SLC47A1: variants seen among roughly 807,000 people sequenced by gnomAD.
SLC47A1 encodes the protein solute carrier family 47 member 1.
SLC47A1 carries 58 observed loss-of-function variants against 65.8 expected under a neutral mutation model. The observed-to-expected ratio is 0.88, with a 90% CI of 0.71 to 1.10. The LOEUF (loss-of-function observed/expected upper bound fraction) is 1.10. SLC47A1 is among the 50% of genes least tolerant of loss of function. The pLI is 0.00. For missense variants in SLC47A1, 706 were observed against 719.2 expected (o/e 0.98, Z 0.21); for synonymous variants, 285 against 295.0 (o/e 0.97, Z 0.35).
At position 19,555,247 on chromosome 17, in the gene SLC47A1, A is replaced by T; in HGVS notation, c.579A>T (p.Ala193=). 1 of 1,614,228 alleles carries T rather than the reference A, an allele frequency of 6.2e-7. No homozygotes were observed. Among genetic ancestry groups the T allele is most frequent in the Non-Finnish European group, 8.5e-7 (1 of 1,180,038 alleles). The change falls in exon 7 of 17, where the codon GCA becomes GCT. Residue 193 remains alanine (A), a synonymous_variant. Transcript: ENST00000270570. ...TGCCCCAGATCGTAACTGGAGTTGCAGCCAACCTTGTCAATGCCCTCGCCA... is the reference window on the plus strand; with the variant it reads ...TGCCCCAGATCGTAACTGGAGTTGCTGCCAACCTTGTCAATGCCCTCGCCA... ...IVLPQIVTGV[A]ANLVNALANY... is the part of the protein sequence containing the mutation.
At position 19,549,674 on chromosome 17, in the gene SLC47A1, T is replaced by C. The variant is rs1219668936; in HGVS notation, c.495T>C (p.Leu165=). ...ATGTCACGATCTTCATTCCAGCTCT[T>C]CCTGTAAGTGCTCAAGGGCTAAGAG... The part of the protein sequence containing the change: ...QTYVTIFIPA[L]PATFLYMLQV... Residue 165 remains leucine, a synonymous_variant, in exon 5 of 17, where the codon CTT becomes CTC. Coordinates refer to ENST00000270570, the MANE Select transcript of SLC47A1 (RefSeq NM_018242.3). The C allele has an allele frequency of 1.9e-5, 31 of 1,614,094 alleles. No homozygotes were observed. Among genetic ancestry groups the C allele is most frequent in the Non-Finnish European group, 2.5e-5 (30 of 1,180,040 alleles).
intron 1 of SLC47A1, among the ~76,000 whole-genome samples, chr17:19,541,806 C>T (rs1916156526): frequency 6.6e-6 from 1 of 152,152 alleles, no homozygotes; most frequent in Non-Finnish European, 1.5e-5. Context: ...TTAATGTGAT[C>T]TATGGCTTGA....
chr17:19,558,277 T>C (rs995933208), intron 10 of SLC47A1, among the ~76,000 whole-genome samples: 1 of 152,206 alleles, frequency 6.6e-6, no homozygotes, highest in African/African-American at 2.4e-5. Flanking sequence ...CCGTTATCTG[T>C]AGAAGTTCAC....
intron 6 of SLC47A1, 77 bp from the exon 7 acceptor site, chr17:19,555,135 C>A: frequency 7.5e-7 from 1 of 1,339,876 alleles, no homozygotes; most frequent in Non-Finnish European, 1.1e-6. Context: ...CCAGCTGGAG[C>A]CTGTGTGTGC....
chr17:19,557,674 G>A (rs753836439), intron 10 of SLC47A1: 19 of 508,674 alleles, frequency 3.7e-5, no homozygotes, highest in Non-Finnish European at 7.1e-5. Flanking sequence ...TGTAGTGAGG[G>A]TAACAATACT....
At chr17:19,555,529 C>A in intron 7 of SLC47A1, 64 bp from the exon 8 acceptor site, 1 of 1,525,602 alleles carries the variant, frequency 6.6e-7, no homozygotes, top group South Asian at 1.1e-5. Context: ...CTCCCCTCCT[C>A]ACTGAGTTGG....
intron 2 of SLC47A1, among the ~76,000 whole-genome samples, chr17:19,545,517 G>C (rs775046090): frequency 1.3e-4 from 20 of 150,832 alleles, no homozygotes; most frequent in Non-Finnish European, 2.8e-4. Context: ...TTGAGACAGG[G>C]TCTCACTCCA....
chr17:19,551,801 A>T (rs1206501720), intron 6 of SLC47A1, among the ~76,000 whole-genome samples: 1 of 152,240 alleles, frequency 6.6e-6, no homozygotes, highest in Non-Finnish European at 1.5e-5. Context: ...AGAAGGGTGC[A>T]TGCCCATTTG....
intron 14 of SLC47A1, among the ~76,000 whole-genome samples, chr17:19,568,451 A>G (rs1597510922): frequency 6.6e-6 from 1 of 152,232 alleles, no homozygotes; most frequent in African/African-American, 2.4e-5. Context: ...TTTATGTAAC[A>G]CAATATGTCT....
intron 10 of SLC47A1, 31 bp downstream of exon 10, chr17:19,556,093 C>A: frequency 6.2e-7 from 1 of 1,611,288 alleles, no homozygotes; most frequent in Non-Finnish European, 8.5e-7. Flanking sequence ...TGGGGAGGTG[C>A]CAGGCGTTTT....
chr17:19,548,916 T>C (rs1916367694), intron 4 of SLC47A1, among the ~76,000 whole-genome samples: 1 of 152,118 alleles, frequency 6.6e-6, no homozygotes, highest in Non-Finnish European at 1.5e-5. Context: ...TTAAAGCTCT[T>C]ATCTAGACCA....
At chr17:19,570,230 C>T (rs149757146) in intron 14 of SLC47A1, among the ~76,000 whole-genome samples, 331 of 152,350 alleles carry the variant, frequency 2.2e-3, no homozygotes, top group Non-Finnish European at 3.5e-3. Context: ...CCAGACTAGC[C>T]ACCTTAACCC....
chr17:19,536,636 C>A (rs958760457), intron 1 of SLC47A1, among the ~76,000 whole-genome samples: 1 of 152,068 alleles, frequency 6.6e-6, no homozygotes, highest in Non-Finnish European at 1.5e-5. Flanking sequence ...GTATGTGGAC[C>A]GGCCTGGGTC....
chr17:19,562,382 G>A (rs963167906), intron 12 of SLC47A1, among the ~76,000 whole-genome samples: 1 of 151,906 alleles, frequency 6.6e-6, no homozygotes, highest in African/African-American at 2.4e-5. Flanking sequence ...GTCGACATGG[G>A]GAAACCCTGT....
chr17:19,577,099 A>G (rs568058708), intron 16 of SLC47A1, among the ~76,000 whole-genome samples: 5 of 152,038 alleles, frequency 3.3e-5, no homozygotes, highest in African/African-American at 7.2e-5. Context: ...CTCCTGGGAG[A>G]GTGCTCCCTG....
chr17:19,574,160 T>A (rs916676477), intron 16 of SLC47A1, among the ~76,000 whole-genome samples: 1 of 151,516 alleles, frequency 6.6e-6, no homozygotes, highest in African/African-American at 2.4e-5. Flanking sequence ...TGACCACAAG[T>A]GATCCACCCT....
intron 12 of SLC47A1, among the ~76,000 whole-genome samples, chr17:19,563,432 G>A (rs912602180): frequency 2.6e-5 from 4 of 151,700 alleles, no homozygotes; most frequent in Non-Finnish European, 4.4e-5. Flanking sequence ...ACGCCCGGCC[G>A]AGAAAGCTAT....
chr17:19,540,672 C>G (rs144948578), intron 1 of SLC47A1, among the ~76,000 whole-genome samples: 407 of 152,298 alleles, frequency 2.7e-3, no homozygotes, highest in Non-Finnish European at 4.5e-3. Context: ...CACCCCACCC[C>G]CTTTTTATTC....
At position 19,546,450 on chromosome 17, in the gene SLC47A1, G is replaced by A. The variant is rs751549167; in HGVS notation, c.253G>A (p.Gly85Ser). ...TTATTTGCAGGTTATCAATGTCACTGGTGTCTCAGTGGGATTCGGCTTATC... is the reference window on the plus strand; with the variant it reads ...TTATTTGCAGGTTATCAATGTCACTAGTGTCTCAGTGGGATTCGGCTTATC... The part of the protein sequence containing the change: ...TLAIAVINVT[G>S]VSVGFGLSSA... Residue 85 changes from glycine (G) to serine (S), a missense_variant, in exon 3 of 17, where the codon GGT becomes AGT. Gly to Ser is a moderately conservative substitution (Grantham distance 56, BLOSUM62 0). Transcript: ENST00000270570. 3.1e-6 allele frequency: 5 copies of A among 1,613,650 alleles called. No homozygotes were observed. In the African/African-American group the frequency reaches 6.7e-5, roughly 22 times the overall value.
Sources: allele counts gnomAD v4.1 joint callset (sites outside exome capture counted in the v4.1 genomes callset), GRCh38; gene constraint gnomAD v4.1.1; transcripts MANE v1.5; gene names NCBI Gene and HGNC (gene_info 2026-07-23, HGNC 2026-07-21).